MED27: variants seen among roughly 807,000 people sequenced by gnomAD.
MED27 encodes mediator complex subunit 27.
Under a neutral mutation model 38.2 loss-of-function variants are expected in MED27, and 30 were observed. The ratio of observed to expected loss-of-function variants is 0.79; its 90% CI spans 0.59 to 1.07. MED27 has a LOEUF of 1.07. Among genes scored for constraint, MED27 ranks in the 50% least tolerant of loss-of-function variants. The probability of loss-of-function intolerance (pLI) is 0.00; values close to 1 mark genes in which losing one functional copy is unlikely to be tolerated. For missense variants in MED27, 289 were observed against 397.5 expected, an observed-to-expected ratio of 0.73 and a Z score of 2.32; for synonymous variants, 122 against 153.5, an observed-to-expected ratio of 0.79 and a Z score of 1.52.
rs1040108929 is a variant in MED27, at chr9:131,917,379, G to A, written c.573+22002C>T. Among the ~76,000 whole-genome samples the A allele has an allele frequency of 7.2e-5, 11 of 152,136 alleles. No individual in the cohort carries two copies. The highest frequency in any genetic ancestry group is 1.5e-4 in the Non-Finnish European group (10 of 68,038). ...ATGTACACCACCTATCCTAGAAAGG[G>A]GGGGCTTTATCCTGCAAGCAACAGG... On this transcript the variant is annotated intron_variant, in intron 4 of 7. Coordinates refer to ENST00000292035, the MANE Select transcript of MED27 (RefSeq NM_004269.4). This position sits in a 1 kb window ranked among gnomAD's most constrained non-coding sequence, Gnocchi z 4.6.
At chr9:132,075,953 G>A (rs1430859921) in intron 2 of MED27, among the ~76,000 whole-genome samples, 1 of 152,192 alleles carries the variant, frequency 6.6e-6, no homozygotes, top group Non-Finnish European at 1.5e-5. Flanking sequence ...GGTGCTCTGA[G>A]CTGAGGATCC....
intron 5 of MED27, among the ~76,000 whole-genome samples, chr9:131,884,515 T>C (rs1242161189): frequency 6.6e-6 from 1 of 152,178 alleles, no homozygotes; most frequent in African/African-American, 2.4e-5. Flanking sequence ...TTATACTCCC[T>C]TGAGCTCAAA....
intron 3 of MED27, among the ~76,000 whole-genome samples, chr9:131,962,788 T>C (rs983782911): frequency 6.6e-6 from 1 of 152,228 alleles, no homozygotes; most frequent in Non-Finnish European, 1.5e-5. Context: ...TGGTATTTTC[T>C]TTAAATCTTT....
At chr9:131,932,020 T>C (rs1224050149) in intron 4 of MED27, among the ~76,000 whole-genome samples, 4 of 152,070 alleles carry the variant, frequency 2.6e-5, no homozygotes, top group African/African-American at 9.7e-5. Flanking sequence ...ACAGAACACT[T>C]CATCCAATGA....
At position 132,003,326 on chromosome 9, in the gene MED27, T is replaced by C. The variant is rs1478224528; in HGVS notation, c.479+11011A>G. Among the ~76,000 whole-genome samples, 2 of 152,236 alleles carry C rather than the reference T, an allele frequency of 1.3e-5. No homozygotes were observed. Among genetic ancestry groups the C allele is most frequent in the African/African-American group, 4.8e-5 (2 of 41,456 alleles). ...AACTTAGTGCTTAATGGCCAGGTTC[T>C]TTATTACAGTTTTCTATTTTATGCA... On this transcript the variant is annotated intron_variant, in intron 3 of 7. Transcript: ENST00000292035. This position sits in a 1 kb window ranked among gnomAD's most constrained non-coding sequence, Gnocchi z 4.2.
intron 1 of MED27, 21 bp from the exon 2 acceptor site, chr9:132,077,607 G>A (rs764450948): frequency 1.6e-5 from 26 of 1,613,732 alleles, no homozygotes; most frequent in Middle Eastern, 3.3e-4. Context: ...AAGAGACAAG[G>A]CAAATAAACC....
chr9:131,984,455 G>A (rs1385808662), intron 3 of MED27, among the ~76,000 whole-genome samples: 1 of 152,142 alleles, frequency 6.6e-6, no homozygotes, highest in Non-Finnish European at 1.5e-5. Context: ...TGGGGTTACA[G>A]CAGTCACCAG....
intron 2 of MED27, among the ~76,000 whole-genome samples, chr9:132,044,371 T>A (rs898577009): frequency 1.3e-5 from 2 of 152,384 alleles, no homozygotes; most frequent in East Asian, 3.9e-4. Context: ...TGATAAACTT[T>A]CTTTCTCTTA....
chr9:132,073,454 C>A, intron 2 of MED27: 1 of 1,137,794 alleles, frequency 8.8e-7, no homozygotes, highest in Non-Finnish European at 1.1e-6. Context: ...CAGCAAGGAA[C>A]AAGATGGACA....
intron 3 of MED27, among the ~76,000 whole-genome samples, chr9:131,955,346 TA>T (rs1831075125): frequency 6.6e-6 from 1 of 151,802 alleles, no homozygotes; most frequent in South Asian, 2.1e-4. Context: ...ATCAAATATC[TA>T]AGCTTCCATT....
intron 3 of MED27, among the ~76,000 whole-genome samples, chr9:131,956,427 C>T (rs554069361): frequency 1.3e-5 from 2 of 152,178 alleles, no homozygotes; most frequent in South Asian, 2.1e-4. Context: ...ACCAGCCTGG[C>T]CAACATGGCG....
intron 4 of MED27, among the ~76,000 whole-genome samples, chr9:131,931,460 A>G (rs761957862): frequency 6.6e-6 from 1 of 152,176 alleles, no homozygotes; most frequent in Non-Finnish European, 1.5e-5. Flanking sequence ...ACCAGAAAAC[A>G]GCAAAATGGA....
chr9:131,925,799 C>T (rs961546572), intron 4 of MED27, among the ~76,000 whole-genome samples: 2 of 152,222 alleles, frequency 1.3e-5, no homozygotes, highest in Non-Finnish European at 2.9e-5. Flanking sequence ...GGGGCAATCC[C>T]AGGCAGCACA....
Position 131,862,953 on chromosome 9 carries a change from C to G in MED27, c.801+110G>C, listed in dbSNP as rs1435430839. The G allele has an allele frequency of 2.4e-5, 21 of 860,982 alleles. No individual in the cohort carries two copies. Among genetic ancestry groups the G allele is most frequent in the Non-Finnish European group, 3.9e-5 (21 of 542,086 alleles). 53.3% of individuals were successfully genotyped at this position (860,982 alleles called of 1,614,324 possible). A position where few individuals can be genotyped will look rare whatever the true frequency, so the allele number is the denominator to read the frequency against. On this transcript the variant is annotated intron_variant, in intron 7 of 7. Transcript: ENST00000292035. The surrounding 1 kb of genome is among the most constrained non-coding windows in gnomAD (Gnocchi z 4.6). The stretch of plus-strand genomic sequence containing the variant: ...TTTAAACTGGCAGCCCCATCTCCCA[C>G]TGGGAGGCCCTCAAAGTCTGAAGAT...
intron 2 of MED27, among the ~76,000 whole-genome samples, chr9:132,053,586 T>C (rs1413290323): frequency 2.6e-5 from 4 of 152,092 alleles, no homozygotes; most frequent in Admixed American, 1.3e-4. Flanking sequence ...CAAGAGAAAA[T>C]TGAGGCACGG....
At chr9:131,868,664 G>C (rs960623250) in intron 6 of MED27, 1 of 985,400 alleles carries the variant, frequency 1.0e-6, no homozygotes, top group Non-Finnish European at 1.2e-6. Flanking sequence ...AGCAGTGTGG[G>C]AGCCCGAACA....
intron 3 of MED27, among the ~76,000 whole-genome samples, chr9:131,980,575 T>G (rs1018730898): frequency 3.3e-5 from 5 of 152,198 alleles, no homozygotes; most frequent in Admixed American, 1.3e-4. Context: ...TCTTCACTTA[T>G]CAGGAAGCAT....
In MED27 at chr9:132,037,615, T is replaced by C. The variant is rs1035284883; in HGVS notation, c.349-23148A>G. 5.9e-5 allele frequency among the ~76,000 whole-genome samples: 9 copies of C among 152,138 alleles called. 1 individual carries two copies. The South Asian group carries it at 1.9e-3, about 32-fold the overall frequency. On this transcript the variant is annotated intron_variant, in intron 2 of 7. Coordinates refer to ENST00000292035, the MANE Select transcript of MED27 (RefSeq NM_004269.4). The stretch of plus-strand genomic sequence containing the variant: ...GTAAAGAGAACAGATGGCTGTGCAA[T>C]ATGCAAACAAATCCACAGCAACAAT...
At chr9:131,975,041 C>T (rs1026185017) in intron 3 of MED27, among the ~76,000 whole-genome samples, 1 of 152,194 alleles carries the variant, frequency 6.6e-6, no homozygotes, top group Non-Finnish European at 1.5e-5. Flanking sequence ...TGTTTTCATG[C>T]TGACCTTTAA....
Sources: allele counts gnomAD v4.1 joint callset (sites outside exome capture counted in the v4.1 genomes callset), GRCh38; gene constraint gnomAD v4.1.1; non-coding constraint Gnocchi (gnomAD v3.1); transcripts MANE v1.5; gene names NCBI Gene and HGNC (gene_info 2026-07-23, HGNC 2026-07-21).